Variants in URB1 observed in about 807,000 individuals in gnomAD.
The protein encoded by URB1 is nucleolar pre-ribosomal-associated protein 1.
A neutral mutation model predicts 242.3 loss-of-function variants in URB1; 197 were observed. That is an observed-to-expected ratio of 0.81 (90% CI 0.72 to 0.91). The LOEUF (loss-of-function observed/expected upper bound fraction) is 0.91. Ranked by LOEUF, URB1 falls within the 40% of genes least tolerant of loss-of-function variation. The pLI is 0.00. For missense variants in URB1, 2,721 were observed against 2,860.5 expected, an observed-to-expected ratio of 0.95 and a Z score of 1.11; for synonymous variants, 1,153 against 1,201.8, an observed-to-expected ratio of 0.96 and a Z score of 0.84.
At chr21:32,360,667 C>T (rs950993119) in intron 13 of URB1, among the ~76,000 whole-genome samples, 1 of 152,128 alleles carries the variant, frequency 6.6e-6, no homozygotes, top group Non-Finnish European at 1.5e-5. Flanking sequence ...CTTCTGCAGG[C>T]CCCTCATTTC....
In URB1 at chr21:32,325,369, TTC is replaced by T; in HGVS notation, c.4979_4980del (p.Arg1660GlnfsTer19). On this transcript the variant is annotated frameshift_variant, in exon 31 of 39. Transcript: ENST00000382751. LOFTEE classifies it high-confidence loss of function. ...CCCAGAGCATTTGAATCCAAAAATT[TTC>T]GACAATCCACCACAAACTCTGCAGG... The part of the protein sequence containing the change: ...LTRPEFVVDC[R>X]KFLDSNALGL... 6.4e-7 allele frequency: 1 copy of T among 1,550,828 alleles called. No homozygotes were observed. The highest frequency in any genetic ancestry group is 8.7e-7 in the Non-Finnish European group (1 of 1,146,236).
rs150733997 is a variant in URB1 at position 32,368,216 on chromosome 21, C to T, written c.1197+187G>A. Among the ~76,000 whole-genome samples, 69 of 151,964 alleles carry T rather than the reference C, an allele frequency of 4.5e-4. 1 individual carries two copies. In the East Asian group the frequency reaches 0.013, roughly 28 times the overall value. ...CCAAGTACCTGGGATTACAGGCGCA[C>T]ACCACCACACCCAGTTAATTTTTGT... On this transcript the variant is annotated intron_variant, in intron 9 of 38. Coordinates refer to ENST00000382751, the MANE Select transcript of URB1 (RefSeq NM_014825.3).
chr21:32,311,841 C>T lies in URB1; in HGVS notation c.*3077G>A. ...AGGGAGCAGAACTGGCCCTGACCAGCCGCTACGACAGGAGAGCTCCTCCAC... is the reference window on the plus strand; with the variant it reads ...AGGGAGCAGAACTGGCCCTGACCAGTCGCTACGACAGGAGAGCTCCTCCAC... On this transcript the variant is annotated 3_prime_UTR_variant, in exon 39 of 39. Transcript: ENST00000382751. 6.2e-7 allele frequency: 1 copy of T among 1,614,140 alleles called. No individual in the cohort carries two copies. Among genetic ancestry groups the T allele is most frequent in the African/African-American group, 1.3e-5 (1 of 75,058 alleles).
chr21:32,325,320 C>T lies in URB1; in HGVS notation c.5030G>A (p.Ser1677Asn), dbSNP rs1483293001. The change falls in exon 31 of 39, where the codon AGC (serine) becomes AAC (asparagine). Residue 1677 changes from serine to asparagine, a missense_variant. Transcript: ENST00000382751. ...ALGLTVTALS[S>N]YDPQMRAIAY... ...TATGGCTCGCATCTGGGGGTCATAG[C>T]TGCTGAGGGCTGTGACAGTTAGGCC... is the stretch of plus-strand genomic sequence containing the variant. 1 of 1,551,728 alleles carries T rather than the reference C, an allele frequency of 6.4e-7. No homozygotes were observed. The highest frequency in any genetic ancestry group is 2.0e-5 in the Admixed American group (1 of 51,010).
At chr21:32,357,055 A>C (rs1436655489) in intron 15 of URB1, among the ~76,000 whole-genome samples, 1 of 152,264 alleles carries the variant, frequency 6.6e-6, no homozygotes, top group Admixed American at 6.5e-5. Context: ...AATGAGGACT[A>C]GATGTCCTAC....
rs774933792 is a variant in URB1, at chr21:32,319,349, A to G, written c.5660T>C (p.Leu1887Pro). 6.4e-7 allele frequency: 1 copy of G among 1,551,188 alleles called. No individual in the cohort carries two copies. Among genetic ancestry groups the G allele is most frequent in the Non-Finnish European group, 8.7e-7 (1 of 1,146,754 alleles). ...SLLHTLWVTN[L>P]GDKAVEWESQ... is the part of the protein sequence containing the mutation. The stretch of plus-strand genomic sequence containing the variant: ...CTCCCACTCCACTGCCTTGTCCCCC[A>G]GGTTGGTCACCCACAGTGTGTGTAG... Residue 1887 changes from leucine to proline, a missense_variant, in exon 36 of 39, where the codon CTG (leucine) becomes CCG (proline). Physicochemically the swap from Leu to Pro is moderately conservative, Grantham distance 98. Transcript: ENST00000382751.
At chr21:32,373,886 G>A in intron 6 of URB1, 114 bp from the exon 7 acceptor site, 1 of 1,095,686 alleles carries the variant, frequency 9.1e-7, no homozygotes, top group Non-Finnish European at 1.2e-6. Flanking sequence ...AATAATGCTT[G>A]CTAGTGGCAG....
intron 8 of URB1, among the ~76,000 whole-genome samples, chr21:32,369,730 A>G (rs1178114349): frequency 6.6e-6 from 1 of 152,202 alleles, no homozygotes. Context: ...AGGTCTTTGC[A>G]TGGACCTTCT....
intron 4 of URB1, among the ~76,000 whole-genome samples, chr21:32,380,726 T>C (rs1401732526): frequency 1.3e-5 from 2 of 152,248 alleles, no homozygotes; most frequent in Non-Finnish European, 2.9e-5. Context: ...GTGTTCCAGA[T>C]GAATGCTGGT....
intron 12 of URB1, among the ~76,000 whole-genome samples, chr21:32,361,478 G>T (rs1167547563): frequency 6.6e-6 from 1 of 151,310 alleles, no homozygotes; most frequent in Admixed American, 6.6e-5. Context: ...CATACAGCAG[G>T]GCCTACCCTT....
chr21:32,315,178 C>T (rs866340138), intron 38 of URB1, 79 bp from the exon 39 acceptor site: 22 of 1,386,452 alleles, frequency 1.6e-5, no homozygotes, highest in South Asian at 5.4e-5. Context: ...CACAATGCAA[C>T]GGCTTTGCCA....
At chr21:32,349,573 G>A in intron 20 of URB1, 90 bp from the exon 21 acceptor site, 5 of 1,350,240 alleles carry the variant, frequency 3.7e-6, no homozygotes, top group South Asian at 3.1e-5. Context: ...TTTCAGAGCA[G>A]GAGACTCGGG....
At position 32,350,871 on chromosome 21, in the gene URB1, A is replaced by G. The variant is rs776734877; in HGVS notation, c.2665T>C (p.Ser889Pro). The stretch of plus-strand genomic sequence containing the variant: ...GCTGCCTGCAGCAGGGCTGTGAAGG[A>G]CGAGGCCAAGGGAAGGGCAGGGGGC... ...PSPPALPLAS[S>P]FTALLQAAYE... Residue 889 changes from serine (S) to proline (P), a missense_variant, in exon 20 of 39, where the codon TCC becomes CCC. Coordinates refer to ENST00000382751, the MANE Select transcript of URB1 (RefSeq NM_014825.3). The G allele has an allele frequency of 1.9e-6, 3 of 1,550,526 alleles. No individual in the cohort carries two copies. The South Asian group carries it at 3.6e-5, about 18-fold the overall frequency.
At chr21:32,363,561 G>A (rs1290008758) in intron 10 of URB1, among the ~76,000 whole-genome samples, 1 of 152,202 alleles carries the variant, frequency 6.6e-6, no homozygotes, top group African/African-American at 2.4e-5. Flanking sequence ...GCATCCAGCA[G>A]TAGTTTCATT....
chr21:32,353,368 C>G (rs914665044), intron 18 of URB1, among the ~76,000 whole-genome samples: 5 of 152,182 alleles, frequency 3.3e-5, no homozygotes, highest in African/African-American at 1.2e-4. Context: ...GGCATAGCTA[C>G]AAAACGGGAG....
chr21:32,391,675 T>C (rs905004278), intron 1 of URB1, among the ~76,000 whole-genome samples: 1 of 152,080 alleles, frequency 6.6e-6, no homozygotes, highest in African/African-American at 2.4e-5. Flanking sequence ...TAACTAAGTA[T>C]CATCTTCCTA....
rs1198849566 is a variant in URB1, at chr21:32,368,425, T to C, written c.1175A>G (p.Asn392Ser). ...TACCTTGTTTAGTAGTTTGATATTA[T>C]TTAACCAAGTAGACTTCGCTCGTGG... The part of the protein sequence containing the change: ...FIPRAKSTWL[N>S]NIKLLNKIYE... Residue 392 changes from asparagine (N) to serine (S), a missense_variant, in exon 9 of 39, where the codon AAT (asparagine) becomes AGT (serine). Physicochemically the swap from Asn to Ser is conservative, Grantham distance 46. Coordinates refer to ENST00000382751, the MANE Select transcript of URB1 (RefSeq NM_014825.3). The C allele has an allele frequency of 1.9e-6, 3 of 1,546,656 alleles. No homozygotes were observed. The highest frequency in any genetic ancestry group is 2.6e-6 in the Non-Finnish European group (3 of 1,145,356).
intron 8 of URB1, among the ~76,000 whole-genome samples, chr21:32,370,950 ACC>A (rs2033400005): frequency 6.6e-6 from 1 of 152,232 alleles, no homozygotes; most frequent in African/African-American, 2.4e-5. Flanking sequence ...CCCATAATAG[ACC>A]AGCGCCCGTT....
In URB1 at chr21:32,378,420, C is replaced by T. The variant is rs774344199; in HGVS notation, c.664+25G>A. ...GGTTTTTCAAAACAAATGGGCTTTC[C>T]TAACGGACAAGGGAGTACACCTACC... is the stretch of plus-strand genomic sequence containing the variant. On this transcript the variant is annotated intron_variant, in intron 5 of 38. Coordinates refer to ENST00000382751, the MANE Select transcript of URB1 (RefSeq NM_014825.3). 5.2e-6 allele frequency: 8 copies of T among 1,543,308 alleles called. No individual in the cohort carries two copies. The Admixed American group carries it at 5.9e-5, about 11-fold the overall frequency.
Sources: allele counts gnomAD v4.1 joint callset (sites outside exome capture counted in the v4.1 genomes callset), GRCh38; gene constraint gnomAD v4.1.1; transcripts MANE v1.5; gene names NCBI Gene and HGNC (gene_info 2026-07-23, HGNC 2026-07-21).